ATAD3C: variants seen among roughly 807,000 people sequenced by gnomAD.
The protein encoded by ATAD3C is ATPase family AAA domain-containing protein 3C.
ATAD3C carries 38 observed loss-of-function variants against 46.3 expected under a neutral mutation model. The observed-to-expected ratio is 0.82, with a 90% confidence interval of 0.63 to 1.08. The LOEUF (loss-of-function observed/expected upper bound fraction) is 1.08. Ranked by LOEUF, ATAD3C falls within the 50% of genes least tolerant of loss-of-function variation. The pLI is 0.00. For missense variants in ATAD3C, 563 were observed against 572.7 expected, an observed-to-expected ratio of 0.98 and a Z score of 0.17; for synonymous variants, 220 against 236.4, an observed-to-expected ratio of 0.93 and a Z score of 0.63.
rs535257873 is a variant in ATAD3C at position 1,455,881 on chromosome 1, G to C, written c.529G>C (p.Gly177Arg). 3 of 1,613,352 alleles carry C rather than the reference G, an allele frequency of 1.9e-6. No individual in the cohort carries two copies. The highest frequency in any genetic ancestry group is 4.5e-5 in the East Asian group (2 of 44,872). The change falls in exon 6 of 12, where the codon GGG (glycine) becomes CGG (arginine). Residue 177 changes from glycine (G) to arginine (R), a missense_variant. Gly to Arg is a moderately radical substitution (Grantham distance 125, BLOSUM62 -2). Around this residue, in one of 3 missense-constraint regions of ATAD3C, gnomAD observed 263 missense variants for 243.1 expected, o/e 1.08. Transcript: ENST00000378785. ...CCTGTACAGGCACATCCTGCTGTAC[G>C]GGCCACCAGGCACCGGGAAGACGCT... ...RGLYRHILLY[G>R]PPGTGKTLFA...
At chr1:1,464,948 C>A (rs1283027503) in intron 11 of ATAD3C, among the ~76,000 whole-genome samples, 1 of 151,630 alleles carries the variant, frequency 6.6e-6, no homozygotes. Context: ...TGCAGTGTTG[C>A]GATCTTAACT....
Position 1,454,194 on chromosome 1 carries a change from G to A in ATAD3C, c.223-151G>A, listed in dbSNP as rs1026839143. 54 of 1,413,302 alleles carry A rather than the reference G, an allele frequency of 3.8e-5. 2 individuals are homozygous for A. Among genetic ancestry groups the A allele is most frequent in the Non-Finnish European group, 4.8e-5 (52 of 1,074,106 alleles). The allele number at this position is 1,413,302 out of a possible 1,614,324, so 87.5% of individuals were successfully genotyped here. A position where few individuals can be genotyped will look rare whatever the true frequency, so the allele number is the denominator to read the frequency against. ...CTGTAACCGCGTGGCTGTGGGATTCGGGGCTGGGAATTCGGGTTCCTGTGG... is the reference window on the plus strand; with the variant it reads ...CTGTAACCGCGTGGCTGTGGGATTCAGGGCTGGGAATTCGGGTTCCTGTGG... On this transcript the variant is annotated intron_variant, in intron 3 of 11. Transcript: ENST00000378785.
chr1:1,468,417 A>G lies in ATAD3C; in HGVS notation c.1123A>G (p.Thr375Ala). The change falls in exon 12 of 12, where the codon ACC (threonine) becomes GCC (alanine). Residue 375 changes from threonine (T) to alanine (A), a missense_variant. Thr to Ala is a moderately conservative substitution (Grantham distance 58). Coordinates refer to ENST00000378785, the MANE Select transcript of ATAD3C (RefSeq NM_001039211.3). ...TAYASKDGVL[T>A]EAMMDACVQD... ...GTATGCCTCCAAGGACGGGGTCCTG[A>G]CCGAGGCCATGATGGACGCCTGCGT... 6.2e-7 allele frequency: 1 copy of G among 1,612,920 alleles called. No individual in the cohort carries two copies. Among genetic ancestry groups the G allele is most frequent in the Non-Finnish European group, 8.5e-7 (1 of 1,179,446 alleles).
rs1639220198 is a variant in ATAD3C at position 1,470,071 on chromosome 1, C to T, written c.*1541C>T. On this transcript the variant is annotated 3_prime_UTR_variant, in exon 12 of 12. Coordinates refer to ENST00000378785, the MANE Select transcript of ATAD3C (RefSeq NM_001039211.3). ...CCGCCTATCCCAAAACCTGTAAGAACTAGTGATAATCCCACCACCCTTTGC... is the reference window on the plus strand; with the variant it reads ...CCGCCTATCCCAAAACCTGTAAGAATTAGTGATAATCCCACCACCCTTTGC... 5 of 152,000 alleles carry T rather than the reference C, an allele frequency of 3.3e-5. No homozygotes were observed. Among genetic ancestry groups the T allele is most frequent in the Admixed American group, 3.3e-4 (5 of 15,228 alleles). 9.4% of individuals were successfully genotyped at this position (152,000 alleles called of 1,614,324 possible). A position where few individuals can be genotyped will look rare whatever the true frequency, so the allele number is the denominator to read the frequency against.
At position 1,469,511 on chromosome 1, in the gene ATAD3C, C is replaced by A. The variant is rs1209943794; in HGVS notation, c.*981C>A. ...GGGGGTGGGGGTCAGGGGCGTCTGA[C>A]TATGGCTGGGGAACTCATTTGGTTT... On this transcript the variant is annotated 3_prime_UTR_variant, in exon 12 of 12. Coordinates refer to ENST00000378785, the MANE Select transcript of ATAD3C (RefSeq NM_001039211.3). 2.6e-5 allele frequency: 4 copies of A among 151,618 alleles called. No individual in the cohort carries two copies. Among genetic ancestry groups the A allele is most frequent in the African/African-American group, 9.7e-5 (4 of 41,262 alleles). The allele number at this position is 151,618 out of a possible 1,614,324, so 9.4% of individuals were successfully genotyped here.
chr1:1,461,510 C>T (rs1290326349), intron 10 of ATAD3C, among the ~76,000 whole-genome samples: 4 of 152,004 alleles, frequency 2.6e-5, no homozygotes, highest in Non-Finnish European at 2.9e-5. Context: ...CTCTTCACTA[C>T]GCGGAGAGCT....
chr1:1,454,254 G>A (rs948227258), intron 3 of ATAD3C, 91 bp from the exon 4 acceptor site: 29 of 1,489,520 alleles, frequency 1.9e-5, no homozygotes, highest in South Asian at 2.7e-5. Flanking sequence ...TCCCTCAGGC[G>A]GAGAGAGGGT....
In ATAD3C at chr1:1,459,349, C is replaced by A; in HGVS notation, c.812+118C>A. On this transcript the variant is annotated intron_variant, in intron 9 of 11. Coordinates refer to ENST00000378785, the MANE Select transcript of ATAD3C (RefSeq NM_001039211.3). This position sits in a 1 kb window ranked among gnomAD's most constrained non-coding sequence, Gnocchi z 4.9. ...CAGTGCTGGGCAGCTGCCGTGGCCT[C>A]AACGTGCCCACCTTGGATGTCCCCT... is the stretch of plus-strand genomic sequence containing the variant. 6.4e-7 allele frequency: 1 copy of A among 1,552,710 alleles called. No homozygotes were observed. Among genetic ancestry groups the A allele is most frequent in the Non-Finnish European group, 8.7e-7 (1 of 1,150,912 alleles).
chr1:1,460,069 ATTTT>A (rs746685483), intron 9 of ATAD3C, among the ~76,000 whole-genome samples: 1 of 124,250 alleles, frequency 8.0e-6, no homozygotes. Context: ...GCGTGGCAGT[ATTTT>A]TTTTTTTTTT....
chr1:1,456,859 T>C (rs1180793388), intron 7 of ATAD3C, among the ~76,000 whole-genome samples: 1 of 151,724 alleles, frequency 6.6e-6, no homozygotes, highest in Non-Finnish European at 1.5e-5. Context: ...CCTCTGGCCT[T>C]TGACCTTTCA....
chr1:1,456,927 T>C (rs528268026), intron 7 of ATAD3C, among the ~76,000 whole-genome samples: 104 of 151,968 alleles, frequency 6.8e-4, no homozygotes, highest in African/African-American at 1.7e-3. Context: ...TGCACTGGGC[T>C]GAGTGGGGGT....
intron 5 of ATAD3C, 26 bp downstream of exon 5, chr1:1,455,545 G>T (rs1404975301): frequency 6.2e-7 from 1 of 1,611,940 alleles, no homozygotes; most frequent in East Asian, 2.2e-5. Context: ...TGGGACCGGG[G>T]AGGCGCAGGG....
intron 11 of ATAD3C, among the ~76,000 whole-genome samples, chr1:1,467,193 C>T (rs547851778): frequency 3.3e-5 from 5 of 152,164 alleles, no homozygotes; most frequent in East Asian, 1.9e-4. Flanking sequence ...TGCCAGGTCC[C>T]GTGCTTCCTG....
chr1:1,463,985 A>C (rs1291858822), intron 11 of ATAD3C, among the ~76,000 whole-genome samples: 2 of 151,336 alleles, frequency 1.3e-5, no homozygotes, highest in African/African-American at 4.9e-5. Context: ...AGAGAGAATC[A>C]CTTGAGGCCA....
At chr1:1,451,794 G>A (rs982117256) in intron 1 of ATAD3C, among the ~76,000 whole-genome samples, 5 of 152,088 alleles carry the variant, frequency 3.3e-5, no homozygotes, top group African/African-American at 1.2e-4. Context: ...GCCAGCAGTG[G>A]CCCTTGTCAG....
chr1:1,457,620 A>AC (rs1638988250), intron 8 of ATAD3C, among the ~76,000 whole-genome samples: 1 of 150,746 alleles, frequency 6.6e-6, no homozygotes, highest in African/African-American at 2.5e-5. Flanking sequence ...AAAAACAAAA[A>AC]AAACAGCATT....
intron 11 of ATAD3C, among the ~76,000 whole-genome samples, chr1:1,467,328 A>G (rs1440460225): frequency 3.3e-5 from 5 of 151,916 alleles, no homozygotes; most frequent in African/African-American, 1.2e-4. Context: ...TGGGCTCAAG[A>G]CCAAAAATGA....
At chr1:1,465,960 G>A (rs1245040513) in intron 11 of ATAD3C, among the ~76,000 whole-genome samples, 1 of 151,926 alleles carries the variant, frequency 6.6e-6, no homozygotes, top group Non-Finnish European at 1.5e-5. Context: ...TGTGTTTAGG[G>A]CGTGTCCTTC....
At chr1:1,466,603 G>C (rs1480329801) in intron 11 of ATAD3C, among the ~76,000 whole-genome samples, 4 of 150,774 alleles carry the variant, frequency 2.7e-5, no homozygotes, top group Non-Finnish European at 5.9e-5. Context: ...AGAGGGTCAT[G>C]TGGTTTCCTT....
Sources: gnomAD v4.1 joint callset for allele counts (sites outside exome capture counted in the v4.1 genomes callset) on GRCh38, gnomAD v4.1.1 for gene constraint, gnomAD v4.1.1 regional missense constraint, Gnocchi (gnomAD v3.1) non-coding constraint, MANE v1.5 for transcripts, NCBI Gene and HGNC (gene_info 2026-07-23, HGNC 2026-07-21) for gene names.